The following SUPT3H variants were observed in gnomAD, a reference collection of about 807,000 sequenced individuals.
SUPT3H encodes SPT3 homolog, SAGA and STAGA complex component.
SUPT3H carries 44 observed loss-of-function variants against 44.3 expected under a neutral mutation model. The observed-to-expected ratio is 0.99, with a 90% CI of 0.78 to 1.28. The LOEUF is 1.28. SUPT3H is among the 50% of genes most tolerant of loss of function. The pLI is 0.00. For synonymous variants in SUPT3H, 124 were observed against 125.6 expected, an observed-to-expected ratio of 0.99 and a Z score of 0.09; for missense variants, 380 against 387.1, an observed-to-expected ratio of 0.98 and a Z score of 0.15.
chr6:44,904,393 A>C (rs2153449862), intron 10 of SUPT3H, among the ~76,000 whole-genome samples: 1 of 152,324 alleles, frequency 6.6e-6, no homozygotes. Context: ...ACAGAGAGCC[A>C]AATCATGAGT....
chr6:44,883,002 T>A (rs1778508404), intron 10 of SUPT3H, among the ~76,000 whole-genome samples: 1 of 152,112 alleles, frequency 6.6e-6, no homozygotes, highest in African/African-American at 2.4e-5. Context: ...CTCTCACCAC[T>A]CCTATTCAAC....
intron 10 of SUPT3H, among the ~76,000 whole-genome samples, chr6:44,864,472 G>A (rs1775173136): frequency 6.6e-6 from 1 of 152,188 alleles, no homozygotes; most frequent in Non-Finnish European, 1.5e-5. Flanking sequence ...GGTTCTCCAT[G>A]AGAGCCCCAC....
chr6:45,007,429 C>T (rs771675819), intron 5 of SUPT3H, among the ~76,000 whole-genome samples: 56 of 152,174 alleles, frequency 3.7e-4, no homozygotes, highest in African/African-American at 1.2e-3. Context: ...ATATCTCTTA[C>T]CTTTTTCCCT....
intron 3 of SUPT3H, among the ~76,000 whole-genome samples, chr6:45,084,105 C>G (rs1313528302): frequency 1.3e-5 from 2 of 152,074 alleles, no homozygotes; most frequent in African/African-American, 2.4e-5. Flanking sequence ...TGACTAAATC[C>G]TCAAAAGCAA....
intron 3 of SUPT3H, among the ~76,000 whole-genome samples, chr6:45,040,293 G>A (rs577181898): frequency 1.1e-4 from 16 of 152,250 alleles, no homozygotes; most frequent in African/African-American, 3.6e-4. Context: ...CTGGTCTACT[G>A]TAGTGTGGGG....
chr6:44,941,380 A>G (rs1772402939), intron 9 of SUPT3H, among the ~76,000 whole-genome samples: 1 of 151,958 alleles, frequency 6.6e-6, no homozygotes, highest in Admixed American at 6.6e-5. Flanking sequence ...TTTCTCCTTC[A>G]TTTATGAAGC....
intron 10 of SUPT3H, among the ~76,000 whole-genome samples, chr6:44,919,494 G>T (rs890626575): frequency 5.3e-5 from 8 of 149,696 alleles, no homozygotes; most frequent in Admixed American, 4.6e-4. Context: ...GATGACTTCT[G>T]CTTTGAGCTA....
chr6:45,129,414 G>T (rs1013504409), intron 2 of SUPT3H, among the ~76,000 whole-genome samples: 1 of 152,100 alleles, frequency 6.6e-6, no homozygotes, highest in Non-Finnish European at 1.5e-5. Context: ...TCAAGTCCTC[G>T]CACAACAAAT....
At chr6:45,128,865 G>C (rs1802964836) in intron 2 of SUPT3H, among the ~76,000 whole-genome samples, 1 of 151,508 alleles carries the variant, frequency 6.6e-6, no homozygotes, top group Non-Finnish European at 1.5e-5. Context: ...TTTGTATTTT[G>C]AGTAGAGACA....
chr6:45,279,310 A>C (rs1460584091), intron 2 of SUPT3H, among the ~76,000 whole-genome samples: 2 of 152,106 alleles, frequency 1.3e-5, no homozygotes, highest in Non-Finnish European at 2.9e-5. Flanking sequence ...AATGAGAGAA[A>C]CCATTTAAGT....
At position 44,949,824 on chromosome 6, in the gene SUPT3H, T is replaced by C. The variant is rs1045742477; in HGVS notation, c.801+3486A>G. The stretch of plus-strand genomic sequence containing the variant: ...AGCTGTGGAGCAACTGGAACTCTAA[T>C]ACACTGTTGGTGGAAGTATAAAATG... On this transcript the variant is annotated intron_variant, in intron 9 of 10. Transcript: ENST00000371459. Among the ~76,000 whole-genome samples, 29 of 152,344 alleles carry C rather than the reference T, an allele frequency of 1.9e-4. 1 individual carries two copies. The South Asian group carries it at 3.5e-3, about 19-fold the overall frequency.
intron 2 of SUPT3H, among the ~76,000 whole-genome samples, chr6:45,111,398 A>G (rs1800035044): frequency 6.6e-6 from 1 of 152,012 alleles, no homozygotes; most frequent in Admixed American, 6.6e-5. Context: ...TCACTAACAT[A>G]TATACATTAT....
At chr6:45,034,142 C>T (rs1483472176) in intron 3 of SUPT3H, among the ~76,000 whole-genome samples, 1 of 152,024 alleles carries the variant, frequency 6.6e-6, no homozygotes, top group Non-Finnish European at 1.5e-5. Context: ...GCCTCCTCAC[C>T]ATCCTACCTC....
At chr6:45,259,104 T>G (rs1460617546) in intron 2 of SUPT3H, among the ~76,000 whole-genome samples, 2 of 152,170 alleles carry the variant, frequency 1.3e-5, no homozygotes, top group Non-Finnish European at 2.9e-5. Flanking sequence ...TGTAAATTAG[T>G]GTGTATGCTC....
intron 10 of SUPT3H, among the ~76,000 whole-genome samples, chr6:44,894,523 G>T (rs1223891904): frequency 1.3e-5 from 2 of 152,144 alleles, no homozygotes; most frequent in African/African-American, 4.8e-5. Context: ...TCAAAGATCA[G>T]ATAGTTGTAG....
chr6:45,309,132 C>A, intron 2 of SUPT3H, among the ~76,000 whole-genome samples: 1 of 149,186 alleles, frequency 6.7e-6, no homozygotes, highest in African/African-American at 2.5e-5. Context: ...AGTGTTTATG[C>A]CTTTTAAAAA....
intron 3 of SUPT3H, among the ~76,000 whole-genome samples, chr6:45,057,498 A>G (rs1236070125): frequency 6.6e-6 from 1 of 152,096 alleles, no homozygotes; most frequent in Non-Finnish European, 1.5e-5. Context: ...AACAAAAAAC[A>G]AAAAAACAAA....
intron 3 of SUPT3H, chr6:45,099,266 C>T: frequency 5.7e-6 from 1 of 174,968 alleles, no homozygotes; most frequent in Non-Finnish European, 1.2e-5. Flanking sequence ...GAAACCCTAG[C>T]ACACTATCAA....
rs550450430 is a variant in SUPT3H at position 44,830,340 on chromosome 6, TATG to T, written c.913-486_913-484del. Among the ~76,000 whole-genome samples the T allele has an allele frequency of 7.9e-4, 120 of 152,196 alleles. 1 individual carries two copies. The highest frequency in any genetic ancestry group is 2.1e-3 in the African/African-American group (89 of 41,554). ...TAGAGGCCTCTCCTCCTCCCTAAAATATGATGATCTCAAAGGAGTTCTGTATAG... is the reference window on the plus strand; with the variant it reads ...TAGAGGCCTCTCCTCCTCCCTAAAATATGATCTCAAAGGAGTTCTGTATAG... On this transcript the variant is annotated intron_variant, in intron 10 of 10. Transcript: ENST00000371459.
Sources: gnomAD v4.1 joint callset for allele counts (sites outside exome capture counted in the v4.1 genomes callset) on GRCh38, gnomAD v4.1.1 for gene constraint, MANE v1.5 for transcripts, NCBI Gene and HGNC (gene_info 2026-07-23, HGNC 2026-07-21) for gene names.